The following ABLIM1 variants were observed in gnomAD, a reference collection of about 807,000 sequenced individuals.
ABLIM1 encodes actin-binding LIM protein 1.
Under a neutral mutation model 107.0 loss-of-function variants are expected in ABLIM1, and 40 were observed. That is an observed-to-expected ratio of 0.37 (90% CI 0.29 to 0.49). The LOEUF (loss-of-function observed/expected upper bound fraction) is 0.49, where lower values mean the gene tolerates loss of function less well. Among genes scored for constraint, ABLIM1 ranks in the 20% least tolerant of loss-of-function variants. The pLI is 0.97. For synonymous variants in ABLIM1, 357 were observed against 357.3 expected (o/e 1.00, Z 0.01); for missense variants, 857 against 1,008.5 (o/e 0.85, Z 2.04).
upstream of ABLIM1, among the ~76,000 whole-genome samples, chr10:114,769,437 AAGAAAGAAAG>A (rs1345475496): frequency 2.4e-4 from 11 of 45,666 alleles, no homozygotes; most frequent in Non-Finnish European, 5.8e-4. Context: ...GAAAGAAAGA[AAGAAAGAAAG>A]AAAGAAAGAA....
At chr10:114,727,655 A>T (rs1034998031) in intron 1 of ABLIM1, among the ~76,000 whole-genome samples, 6 of 152,250 alleles carry the variant, frequency 3.9e-5, no homozygotes, top group Non-Finnish European at 7.3e-5. Context: ...AATTGGCTAT[A>T]TTAAAATTTA....
At chr10:114,737,393 C>A (rs2082202055) in intron 1 of ABLIM1, among the ~76,000 whole-genome samples, 1 of 152,204 alleles carries the variant, frequency 6.6e-6, no homozygotes, top group African/African-American at 2.4e-5. Context: ...AACTCAAGGC[C>A]TTTTCCGACC....
intron 1 of ABLIM1, among the ~76,000 whole-genome samples, chr10:114,630,249 C>T (rs1008772244): frequency 6.6e-6 from 1 of 152,138 alleles, no homozygotes; most frequent in African/African-American, 2.4e-5. Context: ...TCATAAATTA[C>T]TCATATCAGG....
intron 1 of ABLIM1, among the ~76,000 whole-genome samples, chr10:114,747,955 G>A (rs549551859): frequency 5.3e-5 from 8 of 152,292 alleles, no homozygotes; most frequent in South Asian, 2.1e-4. Flanking sequence ...CACGAGAATC[G>A]CTTGAACTCG....
intron 20 of ABLIM1, 150 bp downstream of exon 20, chr10:114,439,932 G>A (rs2059956371): frequency 7.4e-7 from 1 of 1,356,670 alleles, no homozygotes; most frequent in Non-Finnish European, 1.0e-6. Context: ...AGGCATGTCT[G>A]CTCTTCACGG....
chr10:114,656,141 A>G (rs1036044475), intron 1 of ABLIM1, among the ~76,000 whole-genome samples: 14 of 152,020 alleles, frequency 9.2e-5, no homozygotes, highest in African/African-American at 3.4e-4. Context: ...GTGGTGGCAC[A>G]TGCCGGTAAT....
chr10:114,437,134 G>A (rs150920023), intron 22 of ABLIM1, among the ~76,000 whole-genome samples: 675 of 152,070 alleles, frequency 4.4e-3, no homozygotes, highest in African/African-American at 0.015. Context: ...AGCCTTTGCC[G>A]CTCCCACAGC....
intron 1 of ABLIM1, among the ~76,000 whole-genome samples, chr10:114,638,190 C>A (rs534367878): frequency 5.9e-5 from 9 of 152,266 alleles, no homozygotes; most frequent in African/African-American, 2.2e-4. Flanking sequence ...AATAAATATT[C>A]CTTTTCATAC....
At chr10:114,672,592 T>C (rs2080303480) in intron 1 of ABLIM1, among the ~76,000 whole-genome samples, 1 of 152,262 alleles carries the variant, frequency 6.6e-6, no homozygotes, top group Non-Finnish European at 1.5e-5. Flanking sequence ...ATTCATGTTC[T>C]TAATGATGTC....
chr10:114,583,513 T>A (rs1395532979), intron 2 of ABLIM1, among the ~76,000 whole-genome samples: 2 of 99,864 alleles, frequency 2.0e-5, no homozygotes, highest in Non-Finnish European at 4.1e-5. Context: ...ATATATATAC[T>A]GTTGGTGGGA....
chr10:114,602,807 G>A (rs767585986), intron 1 of ABLIM1, among the ~76,000 whole-genome samples: 1 of 152,196 alleles, frequency 6.6e-6, no homozygotes, highest in Non-Finnish European at 1.5e-5. Context: ...AGTTTCCAGA[G>A]TGTGGCCTTC....
chr10:114,765,138 CT>C (rs1591964330), intron 1 of ABLIM1: 1 of 152,306 alleles, frequency 6.6e-6, no homozygotes, highest in Non-Finnish European at 1.5e-5. Context: ...CCTCTGCCCC[CT>C]GGGTTCAAGC....
chr10:114,450,084 T>A, intron 14 of ABLIM1: 1 of 397,198 alleles, frequency 2.5e-6, no homozygotes, highest in Non-Finnish European at 5.1e-6. Context: ...ACAAATCAAA[T>A]GCTGAGAATT....
chr10:114,481,417 G>A (rs949693382), intron 8 of ABLIM1, among the ~76,000 whole-genome samples: 2 of 150,882 alleles, frequency 1.3e-5, no homozygotes, highest in South Asian at 4.2e-4. Context: ...AACACTGATG[G>A]GACAACTACT....
intron 2 of ABLIM1, among the ~76,000 whole-genome samples, chr10:114,598,274 CAAAAAAAAA>C (rs58133284): frequency 3.5e-3 from 221 of 63,814 alleles, no homozygotes; most frequent in Non-Finnish European, 4.2e-3. Flanking sequence ...AACTCCATCT[CAAAAAAAAA>C]AAAAAAAAAA....
At chr10:114,655,468 C>A (rs2079457516) in intron 1 of ABLIM1, among the ~76,000 whole-genome samples, 1 of 152,156 alleles carries the variant, frequency 6.6e-6, no homozygotes, top group Admixed American at 6.5e-5. Flanking sequence ...GTGGCTCATT[C>A]CAAAAATATC....
At chr10:114,696,290 A>G (rs992572611) in intron 1 of ABLIM1, among the ~76,000 whole-genome samples, 4 of 152,338 alleles carry the variant, frequency 2.6e-5, no homozygotes, top group African/African-American at 9.6e-5. Context: ...ACCACAGGCT[A>G]TAGAAGTCCA....
chr10:114,710,642 C>G (rs1209003651), intron 1 of ABLIM1, among the ~76,000 whole-genome samples: 1 of 152,126 alleles, frequency 6.6e-6, no homozygotes, highest in East Asian at 1.9e-4. Context: ...ATTAAACAGG[C>G]TTAGTGGCTT....
intron 22 of ABLIM1, 61 bp from the exon 23 acceptor site, chr10:114,436,434 T>C (rs1176728754): frequency 2.4e-6 from 3 of 1,275,122 alleles, no homozygotes; most frequent in Non-Finnish European, 3.4e-6. Context: ...CAAATGGCCT[T>C]GAGCGTTGCT....
Sources: gnomAD v4.1 joint callset for allele counts (sites outside exome capture counted in the v4.1 genomes callset) on GRCh38, gnomAD v4.1.1 for gene constraint, MANE v1.5 for transcripts, NCBI Gene and HGNC (gene_info 2026-07-23, HGNC 2026-07-21) for gene names.